The following KCTD7 variants were observed in gnomAD, a reference collection of about 807,000 sequenced individuals.
KCTD7 encodes potassium channel tetramerization domain containing 7.
In KCTD7, 15 loss-of-function variants were observed where a neutral mutation model predicts 27.0. That is an observed-to-expected ratio of 0.56 (90% confidence interval 0.37 to 0.86). The LOEUF is 0.86. Ranked by LOEUF, KCTD7 falls within the 40% of genes least tolerant of loss-of-function variation. The probability of loss-of-function intolerance (pLI) is 0.00; values close to 1 mark genes in which losing one functional copy is unlikely to be tolerated. For missense variants in KCTD7, 299 were observed against 398.9 expected (o/e 0.75, Z 2.13); for synonymous variants, 159 against 162.7 (o/e 0.98, Z 0.17).
chr7:66,641,596 CT>C lies in KCTD7; in HGVS notation c.*2367del. On this transcript the variant is annotated 3_prime_UTR_variant, in exon 4 of 4. Coordinates refer to ENST00000639828, the MANE Select transcript of KCTD7 (RefSeq NM_153033.5). ...GAGAAATCCCTGTTTCTCTGACTCCCTTTGTGATCCTCACAGTAATGTATTC... is the reference window on the plus strand; with the variant it reads ...GAGAAATCCCTGTTTCTCTGACTCCCTTGTGATCCTCACAGTAATGTATTC... 1.0e-6 allele frequency: 1 copy of C among 985,460 alleles called. No individual in the cohort carries two copies. Among genetic ancestry groups the C allele is most frequent in the Non-Finnish European group, 1.2e-6 (1 of 829,948 alleles). 61.0% of individuals were successfully genotyped at this position (985,460 alleles called of 1,614,324 possible). A position where few individuals can be genotyped will look rare whatever the true frequency, so the allele number is the denominator to read the frequency against.
intron 2 of KCTD7, among the ~76,000 whole-genome samples, chr7:66,635,640 A>G (rs1169087002): frequency 2.0e-5 from 3 of 149,354 alleles, no homozygotes; most frequent in Non-Finnish European, 4.4e-5. Context: ...CTGGCCTCCA[A>G]GAAGGATTGC....
rs1161812753 is a variant in KCTD7, at chr7:66,640,956, C to T, written c.*1724C>T. 1 of 985,350 alleles carries T rather than the reference C, an allele frequency of 1.0e-6. No homozygotes were observed. Among genetic ancestry groups the T allele is most frequent in the Non-Finnish European group, 1.2e-6 (1 of 829,990 alleles). 61.0% of individuals were successfully genotyped at this position (985,350 alleles called of 1,614,324 possible). ...TGTGTTCATATGAGGAAGAGAAGACCAAGCCCTGGGACTTTGGCTGAATTC... is the reference window on the plus strand; with the variant it reads ...TGTGTTCATATGAGGAAGAGAAGACTAAGCCCTGGGACTTTGGCTGAATTC... On this transcript the variant is annotated 3_prime_UTR_variant, in exon 4 of 4. Coordinates refer to ENST00000639828, the MANE Select transcript of KCTD7 (RefSeq NM_153033.5).
chr7:66,633,903 G>T (rs1786512148), intron 2 of KCTD7, among the ~76,000 whole-genome samples: 1 of 151,754 alleles, frequency 6.6e-6, no homozygotes, highest in Non-Finnish European at 1.5e-5. Flanking sequence ...TCGAAGAATC[G>T]CTTGAACCCA....
chr7:66,639,291 G>A lies in KCTD7; in HGVS notation c.*59G>A. The A allele has an allele frequency of 6.2e-7, 1 of 1,600,146 alleles. No individual in the cohort carries two copies. The highest frequency in any genetic ancestry group is 8.5e-7 in the Non-Finnish European group (1 of 1,179,852). ...GATGTCCACCTTGCTTGGTGGCTCT[G>A]GGAGTAAGATCCCTGAAGGGGCTGC... On this transcript the variant is annotated 3_prime_UTR_variant, in exon 4 of 4. Transcript: ENST00000639828.
At position 66,640,454 on chromosome 7, in the gene KCTD7, G is replaced by C; in HGVS notation, c.*1222G>C. ...GCATTTCCTTCTTGCTCTGTCTACA[G>C]CCTAGGCCAACTAGTCAGGGTCTGG... On this transcript the variant is annotated 3_prime_UTR_variant, in exon 4 of 4. Transcript: ENST00000639828. The C allele has an allele frequency of 6.5e-7, 1 of 1,537,080 alleles. No homozygotes were observed.
Position 66,641,822 on chromosome 7 carries a change from G to C in KCTD7, c.*2590G>C. On this transcript the variant is annotated 3_prime_UTR_variant, in exon 4 of 4. Transcript: ENST00000639828. ...GTGGTAACGGCCTCCAGATAAAGGG[G>C]TTATCCCTGTGGAAGTGACTTTTCC... 1 of 985,456 alleles carries C rather than the reference G, an allele frequency of 1.0e-6. No homozygotes were observed. The highest frequency in any genetic ancestry group is 1.2e-6 in the Non-Finnish European group (1 of 829,950). 61.0% of individuals were successfully genotyped at this position (985,456 alleles called of 1,614,324 possible).
chr7:66,636,864 A>C (rs987129077), intron 2 of KCTD7, among the ~76,000 whole-genome samples: 2 of 152,154 alleles, frequency 1.3e-5, no homozygotes, highest in African/African-American at 4.8e-5. Flanking sequence ...TTCAGCCCTG[A>C]AACCAGTTTG....
intron 2 of KCTD7, 149 bp downstream of exon 2, chr7:66,633,593 ATT>A (rs200130485): frequency 0.038 from 22,281 of 591,660 alleles, no homozygotes; most frequent in Middle Eastern, 0.044. Context: ...AAAGAGATCA[ATT>A]TTTTTTTTTT....
Position 66,628,946 on chromosome 7 carries a change from C to A in KCTD7, c.-119C>A. ...CTCCCGCCTGCGCACTGCCTCTCGCCCCCCTCCGGCCAGCCCGCAGCCGGC... is the reference window on the plus strand; with the variant it reads ...CTCCCGCCTGCGCACTGCCTCTCGCACCCCTCCGGCCAGCCCGCAGCCGGC... On this transcript the variant is annotated 5_prime_UTR_variant, in exon 1 of 4. Transcript: ENST00000639828. 1 of 1,045,334 alleles carries A rather than the reference C, an allele frequency of 9.6e-7. No individual in the cohort carries two copies. The highest frequency in any genetic ancestry group is 3.3e-4 in the Middle Eastern group (1 of 2,994). The allele number at this position is 1,045,334 out of a possible 1,614,324, so 64.8% of individuals were successfully genotyped here.
rs1023692565 is a variant in KCTD7, at chr7:66,629,313, G to A, written c.144+105G>A. On this transcript the variant is annotated intron_variant, in intron 1 of 3. Coordinates refer to ENST00000639828, the MANE Select transcript of KCTD7 (RefSeq NM_153033.5). ...CGGGTGGGCGGGGCCGGGGTTGGGG[G>A]CGGGGCCCGCGGACTTGCGCCCCTC... 25 of 852,048 alleles carry A rather than the reference G, an allele frequency of 2.9e-5. No individual in the cohort carries two copies. The South Asian group carries it at 5.7e-4, about 19-fold the overall frequency. 52.8% of individuals were successfully genotyped at this position (852,048 alleles called of 1,614,324 possible).
rs753399965 is a variant in KCTD7, at chr7:66,629,152, CCGGCCACGCCGA to C, written c.98_109del (p.Pro33_Thr36del). ...TGACGCCGAAGACGACTTTCTGGAGCCGGCCACGCCGACGGCCACGCAGGCGGGGCACGCGCT... is the reference window on the plus strand; with the variant it reads ...TGACGCCGAAGACGACTTTCTGGAGCCGGCCACGCAGGCGGGGCACGCGCT... On this transcript the variant is annotated inframe_deletion, in exon 1 of 4. Coordinates refer to ENST00000639828, the MANE Select transcript of KCTD7 (RefSeq NM_153033.5). 11 of 1,527,174 alleles carry C rather than the reference CCGGCCACGCCGA, an allele frequency of 7.2e-6. No homozygotes were observed. The highest frequency in any genetic ancestry group is 1.4e-5 in the African/African-American group (1 of 70,060). The allele number at this position is 1,527,174 out of a possible 1,614,324, so 94.6% of individuals were successfully genotyped here.
rs1786699668 is a variant in KCTD7 at position 66,640,898 on chromosome 7, A to T, written c.*1666A>T. 3.0e-6 allele frequency: 3 copies of T among 986,418 alleles called. No homozygotes were observed. Among genetic ancestry groups the T allele is most frequent in the Non-Finnish European group, 3.6e-6 (3 of 830,622 alleles). 61.1% of individuals were successfully genotyped at this position (986,418 alleles called of 1,614,324 possible). The stretch of plus-strand genomic sequence containing the variant: ...ACTGGTATCAGACTTACAGGACCAG[A>T]TAGACAAGATGGGTATAAGGGGAGC... On this transcript the variant is annotated 3_prime_UTR_variant, in exon 4 of 4. Coordinates refer to ENST00000639828, the MANE Select transcript of KCTD7 (RefSeq NM_153033.5).
At chr7:66,632,885 A>AATATATAT (rs149316964) in intron 1 of KCTD7, among the ~76,000 whole-genome samples, 6 of 149,448 alleles carry the variant, frequency 4.0e-5, no homozygotes, top group Non-Finnish European at 3.0e-5. Flanking sequence ...CTACTAAAAA[A>AATATATAT]ATATATATAT....
Position 66,639,437 on chromosome 7 carries a change from G to A in KCTD7, c.*205G>A. 6.8e-7 allele frequency: 1 copy of A among 1,464,036 alleles called. No homozygotes were observed. Among genetic ancestry groups the A allele is most frequent in the Non-Finnish European group, 9.0e-7 (1 of 1,109,600 alleles). 90.7% of individuals were successfully genotyped at this position (1,464,036 alleles called of 1,614,324 possible). A position where few individuals can be genotyped will look rare whatever the true frequency, so the allele number is the denominator to read the frequency against. On this transcript the variant is annotated 3_prime_UTR_variant, in exon 4 of 4. Transcript: ENST00000639828. The stretch of plus-strand genomic sequence containing the variant: ...GGGTTGGGCTCAGGGCTTGCGGCCT[G>A]CAGGCACTCCAGCCAGCGCTCACCT...
chr7:66,641,787 G>A lies in KCTD7; in HGVS notation c.*2555G>A, dbSNP rs1384181127. 2 of 985,322 alleles carry A rather than the reference G, an allele frequency of 2.0e-6. No individual in the cohort carries two copies. Among genetic ancestry groups the A allele is most frequent in the African/African-American group, 3.5e-5 (2 of 57,232 alleles). 61.0% of individuals were successfully genotyped at this position (985,322 alleles called of 1,614,324 possible). On this transcript the variant is annotated 3_prime_UTR_variant, in exon 4 of 4. Transcript: ENST00000639828. The stretch of plus-strand genomic sequence containing the variant: ...GCCAGGCTGAAAAGTGCAATTAGAT[G>A]TGGTGGATTGTGGTAACGGCCTCCA...
chr7:66,632,086 G>T (rs1165103782), intron 1 of KCTD7, among the ~76,000 whole-genome samples: 1 of 152,228 alleles, frequency 6.6e-6, no homozygotes, highest in Non-Finnish European at 1.5e-5. Flanking sequence ...AGGGGCAGGT[G>T]AGGGACAGTA....
intron 2 of KCTD7, among the ~76,000 whole-genome samples, chr7:66,634,386 AG>A (rs1362296558): frequency 6.6e-6 from 1 of 151,422 alleles, no homozygotes; most frequent in Non-Finnish European, 1.5e-5. Context: ...TTTTGGAGAT[AG>A]GGTCTTGCTA....
rs1247388900 is a variant in KCTD7 at position 66,641,262 on chromosome 7, G to A, written c.*2030G>A. The stretch of plus-strand genomic sequence containing the variant: ...TCTAAGAGAAAAGGCTTTCATTTTG[G>A]TTCTTCTGATTGGTGTTACCTACTG... On this transcript the variant is annotated 3_prime_UTR_variant, in exon 4 of 4. Coordinates refer to ENST00000639828, the MANE Select transcript of KCTD7 (RefSeq NM_153033.5). 3.0e-6 allele frequency: 3 copies of A among 985,202 alleles called. No individual in the cohort carries two copies. The African/African-American group carries it at 5.2e-5, about 17-fold the overall frequency. The allele number at this position is 985,202 out of a possible 1,614,324, so 61.0% of individuals were successfully genotyped here.
Position 66,641,995 on chromosome 7 carries a change from C to T in KCTD7, c.*2763C>T. ...ATTGTTGTGCATAATGTCAGTAAATCCCTCTCACTTGACAAGGGACTGGAT... is the reference window on the plus strand; with the variant it reads ...ATTGTTGTGCATAATGTCAGTAAATTCCTCTCACTTGACAAGGGACTGGAT... On this transcript the variant is annotated 3_prime_UTR_variant, in exon 4 of 4. Coordinates refer to ENST00000639828, the MANE Select transcript of KCTD7 (RefSeq NM_153033.5). 1.0e-6 allele frequency: 1 copy of T among 985,394 alleles called. No homozygotes were observed. Among genetic ancestry groups the T allele is most frequent in the Non-Finnish European group, 1.2e-6 (1 of 829,918 alleles). The allele number at this position is 985,394 out of a possible 1,614,324, so 61.0% of individuals were successfully genotyped here.
Sources: allele counts gnomAD v4.1 joint callset (sites outside exome capture counted in the v4.1 genomes callset), GRCh38; gene constraint gnomAD v4.1.1; transcripts MANE v1.5; gene names NCBI Gene and HGNC (gene_info 2026-07-23, HGNC 2026-07-21).